Variants in PIK3C2A observed in about 807,000 individuals in gnomAD.
PIK3C2A encodes the protein phosphatidylinositol 4-phosphate 3-kinase C2 domain-containing subunit alpha.
Under a neutral mutation model 204.5 loss-of-function variants are expected in PIK3C2A, and 97 were observed. The observed-to-expected ratio is 0.47, with a 90% confidence interval of 0.40 to 0.56. The LOEUF (loss-of-function observed/expected upper bound fraction) is 0.56, where lower values mean the gene tolerates loss of function less well. Ranked by LOEUF, PIK3C2A falls within the 20% of genes least tolerant of loss-of-function variation. PIK3C2A has a pLI of 0.00. For synonymous variants in PIK3C2A, 653 were observed against 664.4 expected (o/e 0.98, Z 0.26); for missense variants, 1,735 against 1,969.2 (o/e 0.88, Z 2.25).
At chr11:17,142,180 CAATT>C (rs1485983150) in intron 8 of PIK3C2A, among the ~76,000 whole-genome samples, 1 of 152,036 alleles carries the variant, frequency 6.6e-6, no homozygotes, top group Non-Finnish European at 1.5e-5. Flanking sequence ...TTTGAGATGT[CAATT>C]AATTAGATAT....
At chr11:17,115,406 T>A in intron 19 of PIK3C2A, among the ~76,000 whole-genome samples, 1 of 144,792 alleles carries the variant, frequency 6.9e-6, no homozygotes, top group East Asian at 2.0e-4. Context: ...ACAGGCATGG[T>A]GGCAAACACC....
At chr11:17,148,399 T>C (rs1313688918) in intron 5 of PIK3C2A, 1 of 352,848 alleles carries the variant, frequency 2.8e-6, no homozygotes, top group Admixed American at 3.9e-5. Flanking sequence ...ATTATATCAC[T>C]TATTAACCAA....
chr11:17,155,485 T>C, intron 3 of PIK3C2A, 41 bp downstream of exon 3: 1 of 1,168,780 alleles, frequency 8.6e-7, no homozygotes, highest in Non-Finnish European at 1.3e-6. Context: ...GGTTTTCAAG[T>C]GAATTTTTCA....
chr11:17,131,645 TCTC>T (rs1849698520), intron 12 of PIK3C2A, among the ~76,000 whole-genome samples: 1 of 152,060 alleles, frequency 6.6e-6, no homozygotes, highest in Admixed American at 6.6e-5. Flanking sequence ...ATGGTCTCGA[TCTC>T]CTGACCTCAT....
intron 1 of PIK3C2A, chr11:17,193,661 C>G (rs1852016756): frequency 4.1e-6 from 1 of 242,660 alleles, no homozygotes; most frequent in East Asian, 1.4e-4. Context: ...ACCTGGCCAA[C>G]ATGGTGAAAC....
intron 13 of PIK3C2A, among the ~76,000 whole-genome samples, chr11:17,124,946 G>C (rs566388930): frequency 1.3e-5 from 2 of 152,254 alleles, no homozygotes; most frequent in South Asian, 4.1e-4. Context: ...CTAGAGGCCT[G>C]ATTTGATTCA....
chr11:17,115,039 T>C (rs1849133686), intron 19 of PIK3C2A, among the ~76,000 whole-genome samples: 2 of 152,198 alleles, frequency 1.3e-5, no homozygotes, highest in South Asian at 4.1e-4. Context: ...ATAATTAAGA[T>C]TGTATGTAAT....
At chr11:17,144,493 C>T (rs775641255) in intron 8 of PIK3C2A, among the ~76,000 whole-genome samples, 26 of 152,270 alleles carry the variant, frequency 1.7e-4, no homozygotes, top group Non-Finnish European at 2.8e-4. Context: ...ACTGAAGGTT[C>T]TTCTTGGCAA....
At chr11:17,093,496 C>T (rs1337886359) in intron 28 of PIK3C2A, among the ~76,000 whole-genome samples, 1 of 152,146 alleles carries the variant, frequency 6.6e-6, no homozygotes, top group Non-Finnish European at 1.5e-5. Context: ...CATCTCCTGA[C>T]CTCGTGATCC....
chr11:17,106,770 A>C (rs933855981), intron 22 of PIK3C2A, among the ~76,000 whole-genome samples: 8 of 152,184 alleles, frequency 5.3e-5, no homozygotes, highest in African/African-American at 1.9e-4. Context: ...ACAAACAAGA[A>C]GACACTGACC....
At chr11:17,164,006 T>G (rs978959587) in intron 2 of PIK3C2A, among the ~76,000 whole-genome samples, 1 of 152,010 alleles carries the variant, frequency 6.6e-6, no homozygotes, top group Admixed American at 6.6e-5. Flanking sequence ...CTTTATTTCA[T>G]AGATAAAGAA....
intron 20 of PIK3C2A, 52 bp from the exon 21 acceptor site, chr11:17,112,718 A>T (rs1326309538): frequency 1.1e-6 from 1 of 951,394 alleles, no homozygotes; most frequent in South Asian, 2.0e-5. Context: ...ATGGATTTAG[A>T]ATTTTTTTTT....
chr11:17,126,139 A>C (rs1191195702), intron 13 of PIK3C2A, among the ~76,000 whole-genome samples: 1 of 152,086 alleles, frequency 6.6e-6, no homozygotes, highest in Admixed American at 6.6e-5. Context: ...ACAAAAACAA[A>C]AACAAAAAAA....
chr11:17,115,269 A>C (rs1188998463), intron 19 of PIK3C2A, among the ~76,000 whole-genome samples: 1 of 151,650 alleles, frequency 6.6e-6, no homozygotes, highest in East Asian at 1.9e-4. Flanking sequence ...TGGATGGCTC[A>C]TATCTATAAT....
At chr11:17,156,410 A>G (rs1181566506) in intron 2 of PIK3C2A, among the ~76,000 whole-genome samples, 1 of 152,138 alleles carries the variant, frequency 6.6e-6, no homozygotes, top group Non-Finnish European at 1.5e-5. Context: ...TTTTTGAGAC[A>G]AGGACTCATT....
Position 17,094,301 on chromosome 11 carries a change from T to C in PIK3C2A, c.4411A>G (p.Asn1471Asp), listed in dbSNP as rs1427352755. ...AGTGGAAAAATAATACTGAGCTTAT[T>C]GTGAAGTTCCTGAAATTCGTCAAAT... is the stretch of plus-strand genomic sequence containing the variant. ...RTFDEFQELH[N>D]KLSIIFPLWK... The change falls in exon 28 of 33, where the codon AAT (asparagine) becomes GAT (aspartate). Residue 1471 changes from asparagine (N) to aspartate (D), a missense_variant. Around this residue, in one of 6 missense-constraint regions of PIK3C2A, gnomAD observed 503 missense variants for 669.0 expected, o/e 0.75. Transcript: ENST00000691414. The C allele has an allele frequency of 2.5e-6, 4 of 1,610,936 alleles. No homozygotes were observed. In the African/African-American group the frequency reaches 5.3e-5, roughly 22 times the overall value.
intron 1 of PIK3C2A, among the ~76,000 whole-genome samples, chr11:17,206,833 C>T (rs926233591): frequency 2.0e-5 from 3 of 152,154 alleles, no homozygotes; most frequent in Non-Finnish European, 4.4e-5. Context: ...AAAAATTTTC[C>T]CAACAGAGCT....
chr11:17,178,110 A>G (rs1021371615), intron 1 of PIK3C2A, among the ~76,000 whole-genome samples: 75 of 70,644 alleles, frequency 1.1e-3, no homozygotes, highest in African/African-American at 3.0e-3. Flanking sequence ...AAAAAAAAAA[A>G]AAGAAAAAAA....
intron 13 of PIK3C2A, 34 bp downstream of exon 13, chr11:17,129,266 C>CA: frequency 6.4e-7 from 1 of 1,571,854 alleles, no homozygotes; most frequent in Non-Finnish European, 8.8e-7. Flanking sequence ...GATGTGTCCA[C>CA]AGTGACTCAC....
Sources: gnomAD v4.1 joint callset for allele counts (sites outside exome capture counted in the v4.1 genomes callset) on GRCh38, gnomAD v4.1.1 for gene constraint, gnomAD v4.1.1 regional missense constraint, MANE v1.5 for transcripts, NCBI Gene and HGNC (gene_info 2026-07-23, HGNC 2026-07-21) for gene names.